CAMK2D: variants seen among roughly 807,000 people sequenced by gnomAD.
CAMK2D encodes calcium/calmodulin dependent protein kinase II delta.
Under a neutral mutation model 84.0 loss-of-function variants are expected in CAMK2D, and 37 were observed. That is an observed-to-expected ratio of 0.44 (90% confidence interval 0.34 to 0.58). The LOEUF (loss-of-function observed/expected upper bound fraction) is 0.58. Ranked by LOEUF, CAMK2D falls within the 20% of genes least tolerant of loss-of-function variation. The pLI is 0.02. For synonymous variants in CAMK2D, 202 were observed against 212.5 expected (o/e 0.95, Z 0.43); for missense variants, 448 against 652.5 (o/e 0.69, Z 3.41).
chr4:113,504,980 G>T lies in CAMK2D; in HGVS notation c.1040C>A (p.Ala347Glu). 3 of 1,563,916 alleles carry T rather than the reference G, an allele frequency of 1.9e-6. No homozygotes were observed. Among genetic ancestry groups the T allele is most frequent in the Non-Finnish European group, 8.6e-7 (1 of 1,159,646 alleles). ...TTACAAAGAGTCCAGGTATACCAGCGCTGGGGTAGGAATATTTTCTTTGGG... is the reference window on the plus strand; with the variant it reads ...TTACAAAGAGTCCAGGTATACCAGCTCTGGGGTAGGAATATTTTCTTTGGG... ...TSPKENIPTP[A>E]LEPQTTVIHN... The change falls in exon 14 of 21, where the codon GCG (alanine) becomes GAG (glutamate). Residue 347 changes from alanine to glutamate, a missense_variant. Ala to Glu is a moderately radical substitution (Grantham distance 107, BLOSUM62 -1). Coordinates refer to ENST00000511664, the MANE Select transcript of CAMK2D (RefSeq NM_001321571.2).
At chr4:113,522,700 A>T (rs982700288) in intron 8 of CAMK2D, among the ~76,000 whole-genome samples, 10 of 152,162 alleles carry the variant, frequency 6.6e-5, no homozygotes, top group Non-Finnish European at 1.2e-4. Flanking sequence ...AAAAGAGCAA[A>T]AGCATTGCAT....
In CAMK2D at chr4:113,661,723, G is replaced by A; in HGVS notation, c.210C>T (p.His70=). Residue 70 remains histidine, a synonymous_variant, in exon 3 of 21, where the codon CAC becomes CAT. Coordinates refer to ENST00000511664, the MANE Select transcript of CAMK2D (RefSeq NM_001321571.2). ...REARICRLLK[H]PNIVRLHDSI... ...AAAATACGTTCTCACCAATATTAGG[G>A]TGCTTCAAAAGACGGCAGATTCTAG... 6.8e-7 allele frequency: 1 copy of A among 1,464,306 alleles called. No homozygotes were observed. The allele number at this position is 1,464,306 out of a possible 1,614,324, so 90.7% of individuals were successfully genotyped here.
At position 113,715,527 on chromosome 4, in the gene CAMK2D, T is replaced by A. The variant is rs137954477; in HGVS notation, c.160+43793A>T. 1.8e-3 allele frequency among the ~76,000 whole-genome samples: 271 copies of A among 152,270 alleles called. 3 individuals are homozygous for A. In the East Asian group the frequency reaches 0.035, roughly 20 times the overall value. The stretch of plus-strand genomic sequence containing the variant: ...ATTAGATTCAACAGTAACTAGAAAG[T>A]ATACATTAATATATAGTTAGGTTTT... On this transcript the variant is annotated intron_variant, in intron 2 of 20. Transcript: ENST00000511664.
intron 8 of CAMK2D, among the ~76,000 whole-genome samples, chr4:113,522,881 G>A (rs1205394965): frequency 6.6e-6 from 1 of 152,188 alleles, no homozygotes; most frequent in African/African-American, 2.4e-5. Flanking sequence ...TGTTTGTACG[G>A]CTCTCAAAAT....
chr4:113,502,172 G>T (rs529327390), intron 15 of CAMK2D, among the ~76,000 whole-genome samples: 1 of 152,092 alleles, frequency 6.6e-6, no homozygotes, highest in East Asian at 1.9e-4. Context: ...TGGACACATG[G>T]AATACATTCA....
At chr4:113,677,462 G>C (rs115166381) in intron 2 of CAMK2D, 3 of 297,186 alleles carry the variant, frequency 1.0e-5, no homozygotes, top group Non-Finnish European at 1.5e-5. Context: ...CAACAGGAAA[G>C]TGAAAGTAAC....
chr4:113,627,879 A>T (rs551812819), intron 3 of CAMK2D, among the ~76,000 whole-genome samples: 1 of 152,328 alleles, frequency 6.6e-6, no homozygotes, highest in African/African-American at 2.4e-5. Context: ...ACGAGTGACC[A>T]CCAAAGGGCT....
chr4:113,743,645 TCTCA>T (rs971341717), intron 2 of CAMK2D, among the ~76,000 whole-genome samples: 2 of 152,170 alleles, frequency 1.3e-5, no homozygotes, highest in African/African-American at 2.4e-5. Flanking sequence ...TATCTCTTAT[TCTCA>T]CTCATGCCCA....
At chr4:113,549,203 G>T (rs1011630093) in intron 5 of CAMK2D, among the ~76,000 whole-genome samples, 5 of 151,976 alleles carry the variant, frequency 3.3e-5, no homozygotes, top group East Asian at 1.9e-4. Flanking sequence ...TGAAACAAGG[G>T]TCAAAAAAAA....
intron 3 of CAMK2D, among the ~76,000 whole-genome samples, chr4:113,618,261 A>C (rs1432509991): frequency 6.6e-6 from 1 of 152,220 alleles, no homozygotes; most frequent in Non-Finnish European, 1.5e-5. Flanking sequence ...TTTAATGAAT[A>C]ACTAGAGAGA....
chr4:113,642,033 A>G (rs929421628), intron 3 of CAMK2D, among the ~76,000 whole-genome samples: 1 of 152,052 alleles, frequency 6.6e-6, no homozygotes, highest in African/African-American at 2.4e-5. Flanking sequence ...AATAATAAAA[A>G]ATAATAAACA....
chr4:113,487,723 A>G (rs1402402994), intron 16 of CAMK2D, among the ~76,000 whole-genome samples: 2 of 152,040 alleles, frequency 1.3e-5, no homozygotes, highest in African/African-American at 2.4e-5. Flanking sequence ...CCCAGTTTTA[A>G]TAAGATTTCC....
intron 2 of CAMK2D, among the ~76,000 whole-genome samples, chr4:113,700,390 G>A (rs2099414268): frequency 6.6e-6 from 1 of 152,054 alleles, no homozygotes; most frequent in South Asian, 2.1e-4. Flanking sequence ...AGTTCTCAAG[G>A]CAGTAACAGT....
At chr4:113,547,566 G>A in intron 6 of CAMK2D, 78 bp downstream of exon 6, 1 of 802,958 alleles carries the variant, frequency 1.2e-6, no homozygotes, top group Non-Finnish European at 1.9e-6. Flanking sequence ...TCATATTTTT[G>A]CCTTTACAGG....
At chr4:113,462,583 C>T (rs1223763821) in intron 17 of CAMK2D, among the ~76,000 whole-genome samples, 1 of 152,034 alleles carries the variant, frequency 6.6e-6, no homozygotes, top group African/African-American at 2.4e-5. Flanking sequence ...TTATAAGTCT[C>T]CATAGGCAAA....
intron 4 of CAMK2D, among the ~76,000 whole-genome samples, chr4:113,561,925 A>T (rs7657655): frequency 0.14 from 21,449 of 152,120 alleles, 2,101 homozygotes; most frequent in East Asian, 0.31. Flanking sequence ...TTTACTGGCA[A>T]TATAGTTGGG....
At chr4:113,491,761 C>T (rs1445109872) in intron 16 of CAMK2D, among the ~76,000 whole-genome samples, 2 of 152,038 alleles carry the variant, frequency 1.3e-5, no homozygotes, top group Non-Finnish European at 2.9e-5. Flanking sequence ...GCTGTGAATC[C>T]ATCTGGTCCT....
intron 16 of CAMK2D, among the ~76,000 whole-genome samples, chr4:113,495,029 C>T (rs890686683): frequency 2.6e-5 from 4 of 152,190 alleles, no homozygotes; most frequent in Middle Eastern, 3.2e-3. Flanking sequence ...CACTGACCTG[C>T]GCCCACTGTG....
chr4:113,729,783 T>G lies in CAMK2D; in HGVS notation c.160+29537A>C, dbSNP rs551888849. Among the ~76,000 whole-genome samples, 12 of 152,270 alleles carry G rather than the reference T, an allele frequency of 7.9e-5. No homozygotes were observed. In the East Asian group the frequency reaches 2.3e-3, roughly 29 times the overall value. The stretch of plus-strand genomic sequence containing the variant: ...GCAGACCTCTCATGAGTGGAATTAG[T>G]GTCCTTATAAAAGAAGCCCCAGAGA... On this transcript the variant is annotated intron_variant, in intron 2 of 20. Transcript: ENST00000511664.
Sources: gnomAD v4.1 joint callset for allele counts (sites outside exome capture counted in the v4.1 genomes callset) on GRCh38, gnomAD v4.1.1 for gene constraint, MANE v1.5 for transcripts, NCBI Gene and HGNC (gene_info 2026-07-23, HGNC 2026-07-21) for gene names.